The following ZIC1 variants were observed in gnomAD, a reference collection of about 807,000 sequenced individuals.
ZIC1 encodes the protein Zic family zinc finger 1, also known as zinc finger protein ZIC 1.
ZIC1 carries 4 observed loss-of-function variants against 30.9 expected under a neutral mutation model. That is an observed-to-expected ratio of 0.13 (90% CI 0.06 to 0.30). The LOEUF (loss-of-function observed/expected upper bound fraction) is 0.30, where lower values mean the gene tolerates loss of function less well. Among genes scored for constraint, ZIC1 ranks in the 10% least tolerant of loss-of-function variants. The pLI is 1.00. For missense variants in ZIC1, 441 were observed against 639.3 expected (o/e 0.69, Z 3.34); for synonymous variants, 305 against 277.5 (o/e 1.10, Z -0.98).
chr3:147,416,609 C>T lies in ZIC1; in HGVS notation c.*3058C>T, dbSNP rs1199725874. The T allele has an allele frequency of 6.6e-6, 1 of 152,162 alleles. No homozygotes were observed. The highest frequency in any genetic ancestry group is 1.5e-5 in the Non-Finnish European group (1 of 68,030). The allele number at this position is 152,162 out of a possible 1,614,324, so 9.4% of individuals were successfully genotyped here. ...TCCATATTTCAAATATCTGTTTAGACTGTGAAGGCCAAATAATTTTTAAGA... is the reference window on the plus strand; with the variant it reads ...TCCATATTTCAAATATCTGTTTAGATTGTGAAGGCCAAATAATTTTTAAGA... On this transcript the variant is annotated 3_prime_UTR_variant, in exon 3 of 3. Coordinates refer to ENST00000282928, the MANE Select transcript of ZIC1 (RefSeq NM_003412.4).
chr3:147,410,574 G>C lies in ZIC1; in HGVS notation c.462G>C (p.Ala154=). The C allele has an allele frequency of 6.2e-7, 1 of 1,612,338 alleles. No individual in the cohort carries two copies. Among genetic ancestry groups the C allele is most frequent in the Non-Finnish European group, 8.5e-7 (1 of 1,179,632 alleles). ...TTCACGAGCAGGCTGCCGGCCACGC[G>C]TCGCCTAACGTGGTCAACGGGCAGA... The part of the protein sequence containing the change: ...PGLHEQAAGH[A]SPNVVNGQMR... The change falls in exon 1 of 3, where the codon GCG becomes GCC. Residue 154 remains alanine, a synonymous_variant. Transcript: ENST00000282928.
Position 147,410,087 on chromosome 3 carries a change from G to C in ZIC1, c.-26G>C. 1.4e-6 allele frequency: 2 copies of C among 1,454,046 alleles called. No individual in the cohort carries two copies. Among genetic ancestry groups the C allele is most frequent in the Non-Finnish European group, 1.8e-6 (2 of 1,112,026 alleles). 90.1% of individuals were successfully genotyped at this position (1,454,046 alleles called of 1,614,324 possible). A position where few individuals can be genotyped will look rare whatever the true frequency, so the allele number is the denominator to read the frequency against. On this transcript the variant is annotated 5_prime_UTR_variant, in exon 1 of 3. Transcript: ENST00000282928. The stretch of plus-strand genomic sequence containing the variant: ...GGCGAGGGTGGGGGGGGCGGGGGAG[G>C]CCGGGGCTCGCCCCGAGCAGCCACG...
At position 147,410,835 on chromosome 3, in the gene ZIC1, G is replaced by C. The variant is rs150105356; in HGVS notation, c.723G>C (p.Ser241=). Reference sequence around the variant, plus strand: ...AGCAGCTGGCCAACCCCAAAAAGTCGTGCAACAAAACTTTCAGCACCATGC... The same window carrying C: ...AGCAGCTGGCCAACCCCAAAAAGTCCTGCAACAAAACTTTCAGCACCATGC... ...EPEQLANPKK[S]CNKTFSTMHE... Residue 241 remains serine (S), a synonymous_variant, in exon 1 of 3, where the codon TCG becomes TCC. Transcript: ENST00000282928. 376 of 1,614,106 alleles carry C rather than the reference G, an allele frequency of 2.3e-4. 1 individual carries two copies. The highest frequency in any genetic ancestry group is 5.8e-5 in the Non-Finnish European group (68 of 1,180,038).
rs1412475105 is a variant in ZIC1, at chr3:147,413,839, C to G, written c.*288C>G. The G allele has an allele frequency of 1.1e-5, 3 of 283,746 alleles. No individual in the cohort carries two copies. Among genetic ancestry groups the G allele is most frequent in the Admixed American group, 5.1e-5 (1 of 19,576 alleles). The allele number at this position is 283,746 out of a possible 1,614,324, so 17.6% of individuals were successfully genotyped here. On this transcript the variant is annotated 3_prime_UTR_variant, in exon 3 of 3. Coordinates refer to ENST00000282928, the MANE Select transcript of ZIC1 (RefSeq NM_003412.4). ...CCACCTGACCAAATGCCGCCAACCC[C>G]GAGGGCCAGTTTCTTGTCGAATTGG...
At chr3:147,412,790 G>C (rs1036653428) in intron 2 of ZIC1, 109 bp downstream of exon 2, 26 of 1,406,574 alleles carry the variant, frequency 1.8e-5, no homozygotes, top group South Asian at 4.0e-5. Flanking sequence ...CAGAGGAAGC[G>C]GGAAGGCAAA....
intron 1 of ZIC1, among the ~76,000 whole-genome samples, chr3:147,411,894 C>T (rs1286063333): frequency 1.3e-5 from 2 of 152,098 alleles, no homozygotes; most frequent in African/African-American, 4.8e-5. Flanking sequence ...ATTCTGGGCC[C>T]CCTGCCCCCA....
In ZIC1 at chr3:147,416,114, C is replaced by T. The variant is rs925198324; in HGVS notation, c.*2563C>T. 2 of 152,100 alleles carry T rather than the reference C, an allele frequency of 1.3e-5. No individual in the cohort carries two copies. Among genetic ancestry groups the T allele is most frequent in the African/African-American group, 4.8e-5 (2 of 41,412 alleles). 9.4% of individuals were successfully genotyped at this position (152,100 alleles called of 1,614,324 possible). A position where few individuals can be genotyped will look rare whatever the true frequency, so the allele number is the denominator to read the frequency against. ...AAAATTTGCGAAGCAAAAGCTAGCC[C>T]CAATTGGTTTGGAAGTTTGAAACTG... On this transcript the variant is annotated 3_prime_UTR_variant, in exon 3 of 3. Transcript: ENST00000282928.
chr3:147,409,925 G>A lies in ZIC1; in HGVS notation c.-188G>A. ...GGCTACTTTGCGTTTGGCCCGGCCA[G>A]CGCCCGGGCGCGCCGCGCCATTGCC... On this transcript the variant is annotated 5_prime_UTR_variant, in exon 1 of 3. Transcript: ENST00000282928. 1 of 622,478 alleles carries A rather than the reference G, an allele frequency of 1.6e-6. No individual in the cohort carries two copies. The highest frequency in any genetic ancestry group is 2.5e-6 in the Non-Finnish European group (1 of 392,606). 38.6% of individuals were successfully genotyped at this position (622,478 alleles called of 1,614,324 possible). A position where few individuals can be genotyped will look rare whatever the true frequency, so the allele number is the denominator to read the frequency against.
chr3:147,413,288 T>C (rs981827388), intron 2 of ZIC1, 66 bp from the exon 3 acceptor site: 7 of 1,550,784 alleles, frequency 4.5e-6, no homozygotes, highest in Non-Finnish European at 2.6e-6. Flanking sequence ...CTCGCGGCCT[T>C]CGCCTCTCTA....
At chr3:147,412,752 CGAG>C in intron 2 of ZIC1, 71 bp downstream of exon 2, 1 of 1,551,740 alleles carries the variant, frequency 6.4e-7, no homozygotes, top group Non-Finnish European at 8.7e-7. Context: ...GGTCGGGCGG[CGAG>C]TGGCAGACAG....
chr3:147,415,720 C>T lies in ZIC1; in HGVS notation c.*2169C>T, dbSNP rs189907542. 2.0e-5 allele frequency: 3 copies of T among 152,142 alleles called. No homozygotes were observed. The highest frequency in any genetic ancestry group is 2.0e-4 in the Admixed American group (3 of 15,274). The allele number at this position is 152,142 out of a possible 1,614,324, so 9.4% of individuals were successfully genotyped here. ...TGAGAAAGAAAACAAGAGGAAAAACCCCACAAAGTATAACAACCCCTTAAG... is the reference window on the plus strand; with the variant it reads ...TGAGAAAGAAAACAAGAGGAAAAACTCCACAAAGTATAACAACCCCTTAAG... On this transcript the variant is annotated 3_prime_UTR_variant, in exon 3 of 3. Transcript: ENST00000282928.
intron 2 of ZIC1, 136 bp downstream of exon 2, chr3:147,412,817 A>AC: frequency 1.8e-6 from 2 of 1,129,668 alleles, no homozygotes; most frequent in African/African-American, 1.6e-5. Context: ...ACTCAGTGGA[A>AC]CTGGGCAGAG....
chr3:147,411,115 C>A (rs375359511), intron 1 of ZIC1, 21 bp downstream of exon 1: 6 of 1,596,532 alleles, frequency 3.8e-6, no homozygotes, highest in African/African-American at 1.3e-5. Context: ...AGCTGTAGGA[C>A]CCCTACCCAT....
At chr3:147,412,724 T>C (rs1384248867) in intron 2 of ZIC1, 43 bp downstream of exon 2, 3 of 1,589,624 alleles carry the variant, frequency 1.9e-6, no homozygotes, top group Non-Finnish European at 2.6e-6. Flanking sequence ...GCAGGAGCTC[T>C]CTTGGCTCTC....
At chr3:147,412,743 G>A in intron 2 of ZIC1, 62 bp downstream of exon 2, 1 of 1,569,278 alleles carries the variant, frequency 6.4e-7, no homozygotes, top group South Asian at 1.2e-5. Context: ...TCGGCTTGGG[G>A]TCGGGCGGCG....
rs981913413 is a variant in ZIC1, at chr3:147,414,020, AG to A, written c.*475del. The stretch of plus-strand genomic sequence containing the variant: ...GGCGTTGTGGTCTTTGCATTGGGGG[AG>A]GGGGGAGGGACCGGATGGGCGGGGG... On this transcript the variant is annotated 3_prime_UTR_variant, in exon 3 of 3. Coordinates refer to ENST00000282928, the MANE Select transcript of ZIC1 (RefSeq NM_003412.4). 9.0e-5 allele frequency: 3 copies of A among 33,194 alleles called. No individual in the cohort carries two copies. The highest frequency in any genetic ancestry group is 1.0e-3 in the South Asian group (1 of 996). 2.1% of individuals were successfully genotyped at this position (33,194 alleles called of 1,614,324 possible). A position where few individuals can be genotyped will look rare whatever the true frequency, so the allele number is the denominator to read the frequency against.
At chr3:147,411,817 T>C (rs537231186) in intron 1 of ZIC1, among the ~76,000 whole-genome samples, 4 of 148,704 alleles carry the variant, frequency 2.7e-5, no homozygotes, top group South Asian at 4.4e-4. Context: ...AAGACACAGG[T>C]CCGGAACAGT....
chr3:147,416,185 C>T lies in ZIC1; in HGVS notation c.*2634C>T, dbSNP rs1311868551. On this transcript the variant is annotated 3_prime_UTR_variant, in exon 3 of 3. Transcript: ENST00000282928. ...AGTGACTCCAGACATTAGGTCCAGA[C>T]ATTAGTTAAAAATAGAAAGAGGAAT... 6.6e-6 allele frequency: 1 copy of T among 152,178 alleles called. No individual in the cohort carries two copies. The highest frequency in any genetic ancestry group is 1.9e-4 in the East Asian group (1 of 5,194). 9.4% of individuals were successfully genotyped at this position (152,178 alleles called of 1,614,324 possible). A position where few individuals can be genotyped will look rare whatever the true frequency, so the allele number is the denominator to read the frequency against.
Position 147,414,176 on chromosome 3 carries a change from A to C in ZIC1, c.*625A>C, listed in dbSNP as rs1377211247. ...ACAGTCTCCACGTCGACCTAACCCA[A>C]TATTATTGGTATTAATGTGCTTTTT... On this transcript the variant is annotated 3_prime_UTR_variant, in exon 3 of 3. Transcript: ENST00000282928. The C allele has an allele frequency of 6.6e-6, 1 of 152,528 alleles. No homozygotes were observed. The highest frequency in any genetic ancestry group is 2.4e-5 in the African/African-American group (1 of 41,398). The allele number at this position is 152,528 out of a possible 1,614,324, so 9.4% of individuals were successfully genotyped here. A position where few individuals can be genotyped will look rare whatever the true frequency, so the allele number is the denominator to read the frequency against.
Sources: gnomAD v4.1 joint callset for allele counts (sites outside exome capture counted in the v4.1 genomes callset) on GRCh38, gnomAD v4.1.1 for gene constraint, MANE v1.5 for transcripts, NCBI Gene and HGNC (gene_info 2026-07-23, HGNC 2026-07-21) for gene names.